Variants in LPP observed in about 807,000 individuals in gnomAD.
LPP encodes the protein LIM domain containing preferred translocation partner in lipoma.
In LPP, 38 loss-of-function variants were observed where a neutral mutation model predicts 60.4. That is an observed-to-expected ratio of 0.63 (90% confidence interval 0.49 to 0.83). The LOEUF (loss-of-function observed/expected upper bound fraction) is 0.83. Among genes scored for constraint, LPP ranks in the 40% least tolerant of loss-of-function variants. The pLI, the probability that LPP is intolerant of heterozygous loss-of-function variation, is 0.00. For synonymous variants in LPP, 328 were observed against 290.8 expected (o/e 1.13, Z -1.30); for missense variants, 902 against 783.6 (o/e 1.15, Z -1.80).
chr3:188,192,806 A>G (rs1728537599), intron 1 of LPP, among the ~76,000 whole-genome samples: 1 of 152,198 alleles, frequency 6.6e-6, no homozygotes, highest in South Asian at 2.1e-4. Context: ...AAGTTGTGAC[A>G]AAAACTGGAG....
At chr3:188,493,707 A>T (rs1352217498) in intron 5 of LPP, among the ~76,000 whole-genome samples, 4 of 152,102 alleles carry the variant, frequency 2.6e-5, no homozygotes. Flanking sequence ...TGCCTCTCAA[A>T]GTGCTGGGTT....
At chr3:188,474,538 G>A (rs573824148) in intron 4 of LPP, among the ~76,000 whole-genome samples, 7 of 152,208 alleles carry the variant, frequency 4.6e-5, no homozygotes, top group Admixed American at 4.6e-4. Context: ...TCTTTGGAGG[G>A]GTTGTAAGCT....
intron 8 of LPP, among the ~76,000 whole-genome samples, chr3:188,726,806 G>A (rs1186258674): frequency 6.6e-6 from 1 of 152,070 alleles, no homozygotes; most frequent in African/African-American, 2.4e-5. Flanking sequence ...CATAGATGTA[G>A]GCATAATAGT....
chr3:188,557,383 A>C (rs1017501231), intron 6 of LPP, among the ~76,000 whole-genome samples: 10 of 152,116 alleles, frequency 6.6e-5, no homozygotes, highest in African/African-American at 2.4e-4. Context: ...ACATTAAGCA[A>C]CAACACCAGC....
intron 1 of LPP, among the ~76,000 whole-genome samples, chr3:188,202,783 G>A (rs1182336702): frequency 6.6e-6 from 1 of 152,110 alleles, no homozygotes. Flanking sequence ...TATGTGAGAT[G>A]TTTCCTTGTT....
At chr3:188,284,582 G>A (rs1269393663) in intron 2 of LPP, among the ~76,000 whole-genome samples, 1 of 152,170 alleles carries the variant, frequency 6.6e-6, no homozygotes, top group African/African-American at 2.4e-5. Context: ...ATCCTGCTAG[G>A]TGAAATGAAG....
chr3:188,245,419 G>A (rs1424753996), intron 2 of LPP, among the ~76,000 whole-genome samples: 2 of 152,112 alleles, frequency 1.3e-5, no homozygotes, highest in Admixed American at 1.3e-4. Flanking sequence ...TTTGTGGGCA[G>A]GGATGGTATT....
At chr3:188,839,888 AAAATT>A (rs1161450276) in intron 9 of LPP, among the ~76,000 whole-genome samples, 1 of 152,154 alleles carries the variant, frequency 6.6e-6, no homozygotes, top group African/African-American at 2.4e-5. Context: ...AAAATAAAAT[AAAATT>A]AAATTAAATT....
At chr3:188,735,493 T>C (rs2150099987) in intron 8 of LPP, among the ~76,000 whole-genome samples, 1 of 152,182 alleles carries the variant, frequency 6.6e-6, no homozygotes, top group East Asian at 1.9e-4. Context: ...GCAATTCTCC[T>C]GCCTCAGCCT....
At chr3:188,437,517 A>G (rs1260141448) in intron 4 of LPP, among the ~76,000 whole-genome samples, 3 of 152,210 alleles carry the variant, frequency 2.0e-5, no homozygotes, top group African/African-American at 7.2e-5. Flanking sequence ...CAAACCTACA[A>G]TTCTGTCTCT....
chr3:188,656,789 C>A lies in LPP; in HGVS notation c.1113+46945C>A, dbSNP rs142953655. Among the ~76,000 whole-genome samples the A allele has an allele frequency of 1.8e-3, 268 of 152,242 alleles. 1 individual carries two copies. The highest frequency in any genetic ancestry group is 6.4e-3 in the African/African-American group (265 of 41,540). ...CTTGAAGGAATAATAGTGAGTAATA[C>A]CTAACATTGGCATTGCACAGCATGC... On this transcript the variant is annotated intron_variant, in intron 7 of 11. Transcript: ENST00000617246.
intron 8 of LPP, among the ~76,000 whole-genome samples, chr3:188,745,679 A>C (rs992036949): frequency 2.0e-5 from 3 of 152,184 alleles, no homozygotes; most frequent in African/African-American, 7.2e-5. Context: ...TTTTAAGTTG[A>C]TAAATCCCTC....
At chr3:188,652,736 A>G (rs956029220) in intron 7 of LPP, among the ~76,000 whole-genome samples, 8 of 152,126 alleles carry the variant, frequency 5.3e-5, no homozygotes, top group Admixed American at 5.2e-4. Flanking sequence ...TGAAGCCTTT[A>G]AGAAATAATA....
chr3:188,629,131 A>G (rs968688943), intron 7 of LPP, among the ~76,000 whole-genome samples: 2 of 152,174 alleles, frequency 1.3e-5, no homozygotes, highest in African/African-American at 4.8e-5. Flanking sequence ...ATCTATGTCA[A>G]ACCCTCAGCC....
chr3:188,861,494 CTG>C (rs1240502387), intron 9 of LPP, among the ~76,000 whole-genome samples: 1 of 152,090 alleles, frequency 6.6e-6, no homozygotes, highest in Non-Finnish European at 1.5e-5. Context: ...TAAATGAAGA[CTG>C]TATATCTTGA....
intron 5 of LPP, among the ~76,000 whole-genome samples, chr3:188,499,823 CTATT>C (rs1389533086): frequency 6.6e-6 from 1 of 152,000 alleles, no homozygotes; most frequent in Non-Finnish European, 1.5e-5. Context: ...AGGCTTTTAA[CTATT>C]TATTCACGTT....
intron 2 of LPP, among the ~76,000 whole-genome samples, chr3:188,230,595 C>T (rs894941698): frequency 5.3e-5 from 8 of 151,752 alleles, no homozygotes; most frequent in Non-Finnish European, 4.4e-5. Context: ...ACCAGACTGA[C>T]CAAAATGGAG....
chr3:188,239,186 C>T (rs1229650590), intron 2 of LPP, among the ~76,000 whole-genome samples: 2 of 152,214 alleles, frequency 1.3e-5, no homozygotes, highest in Non-Finnish European at 2.9e-5. Context: ...TTCTCTGCCC[C>T]TGCGGCAGGC....
chr3:188,302,568 C>G (rs1405708608), intron 2 of LPP, among the ~76,000 whole-genome samples: 1 of 152,190 alleles, frequency 6.6e-6, no homozygotes, highest in African/African-American at 2.4e-5. Flanking sequence ...GTTTTCCTCA[C>G]ATGCTGCTGT....
Sources: allele counts gnomAD v4.1 joint callset (sites outside exome capture counted in the v4.1 genomes callset), GRCh38; gene constraint gnomAD v4.1.1; transcripts MANE v1.5; gene names NCBI Gene and HGNC (gene_info 2026-07-23, HGNC 2026-07-21).